Variants in B3GAT2 observed in about 807,000 individuals in gnomAD.
B3GAT2 encodes the protein beta-1,3-glucuronyltransferase 2, also known as galactosylgalactosylxylosylprotein 3-beta-glucuronosyltransferase 2.
Under a neutral mutation model 27.8 loss-of-function variants are expected in B3GAT2, and 26 were observed. The ratio of observed to expected loss-of-function variants is 0.93; its 90% CI spans 0.68 to 1.30. The LOEUF is 1.30. Ranked by LOEUF, B3GAT2 falls within the 50% of genes most tolerant of loss-of-function variation. B3GAT2 has a pLI of 0.00. For synonymous variants in B3GAT2, 218 were observed against 195.1 expected (o/e 1.12, Z -0.98); for missense variants, 458 against 459.0 (o/e 1.00, Z 0.02).
At chr6:70,928,672 T>C (rs1321593810) in intron 1 of B3GAT2, among the ~76,000 whole-genome samples, 1 of 152,100 alleles carries the variant, frequency 6.6e-6, no homozygotes, top group Non-Finnish European at 1.5e-5. Flanking sequence ...AATAACAGGC[T>C]CTGAAATTGA....
chr6:70,954,589 T>C (rs921930260), intron 1 of B3GAT2, among the ~76,000 whole-genome samples: 17 of 152,226 alleles, frequency 1.1e-4, no homozygotes, highest in African/African-American at 4.1e-4. Context: ...TTAGGGTATC[T>C]GATGACCAGA....
chr6:70,938,733 C>T (rs1765338286), intron 1 of B3GAT2, among the ~76,000 whole-genome samples: 1 of 152,004 alleles, frequency 6.6e-6, no homozygotes. Context: ...CCCTTCCTTA[C>T]ACCTTATACA....
intron 1 of B3GAT2, among the ~76,000 whole-genome samples, chr6:70,926,085 A>T (rs1029065683): frequency 3.3e-5 from 5 of 152,230 alleles, no homozygotes; most frequent in African/African-American, 1.2e-4. Context: ...GAGGGTCCTG[A>T]ATGTTAGAAG....
chr6:70,930,328 C>A (rs560990866), intron 1 of B3GAT2, among the ~76,000 whole-genome samples: 7 of 152,134 alleles, frequency 4.6e-5, no homozygotes, highest in Non-Finnish European at 8.8e-5. Flanking sequence ...CAACAAAAGT[C>A]AAAATTGACA....
At position 70,858,298 on chromosome 6, in the gene B3GAT2, T is replaced by TG; in HGVS notation, c.*3364_*3365insC. The TG allele has an allele frequency of 4.9e-6, 6 of 1,216,208 alleles. No individual in the cohort carries two copies. Among genetic ancestry groups the TG allele is most frequent in the East Asian group, 2.8e-5 (1 of 35,920 alleles). 75.3% of individuals were successfully genotyped at this position (1,216,208 alleles called of 1,614,324 possible). ...TTTATTTTCTAAATCTTTTTTTTTT[T>TG]TTTTTTTTTTTTTTTTTAAGTCTAG... On this transcript the variant is annotated 3_prime_UTR_variant, in exon 4 of 4. Coordinates refer to ENST00000230053, the MANE Select transcript of B3GAT2 (RefSeq NM_080742.3).
Position 70,956,131 on chromosome 6 carries a change from C to A in B3GAT2, c.299G>T (p.Arg100Leu). ...CACCTGGCGGAACGTGTTGGCCAGG[C>A]GGGTCAGCTCCGCTTTCTGCACCGG... ...SRPVQKAELT[R>L]LANTFRQVAQ... is the part of the protein sequence containing the mutation. The change falls in exon 1 of 4, where the codon CGC becomes CTC. Residue 100 changes from arginine to leucine, a missense_variant. Transcript: ENST00000230053. 6.2e-7 allele frequency: 1 copy of A among 1,603,268 alleles called. No individual in the cohort carries two copies. The highest frequency in any genetic ancestry group is 8.5e-7 in the Non-Finnish European group (1 of 1,175,146).
intron 1 of B3GAT2, among the ~76,000 whole-genome samples, chr6:70,941,297 C>T (rs1386622032): frequency 1.3e-5 from 2 of 152,108 alleles, no homozygotes. Flanking sequence ...GGCAGTCACC[C>T]ATAGTGGAAA....
chr6:70,920,733 GGTC>G (rs1411094658), intron 1 of B3GAT2, among the ~76,000 whole-genome samples: 1 of 152,162 alleles, frequency 6.6e-6, no homozygotes, highest in Non-Finnish European at 1.5e-5. Flanking sequence ...AGTGTTCAGA[GGTC>G]TAGTCCTTAA....
At chr6:70,891,301 G>A (rs1279848859) in intron 2 of B3GAT2, among the ~76,000 whole-genome samples, 2 of 152,066 alleles carry the variant, frequency 1.3e-5, no homozygotes, top group Non-Finnish European at 2.9e-5. Context: ...TTGTGGGCAG[G>A]CATATTAATT....
At chr6:70,943,537 G>A (rs377175284) in intron 1 of B3GAT2, among the ~76,000 whole-genome samples, 4 of 152,244 alleles carry the variant, frequency 2.6e-5, no homozygotes, top group Non-Finnish European at 5.9e-5. Context: ...AGTTCTGCCT[G>A]CCCTGACATG....
intron 1 of B3GAT2, among the ~76,000 whole-genome samples, chr6:70,896,033 C>G (rs1421994232): frequency 6.6e-6 from 1 of 152,164 alleles, no homozygotes; most frequent in Non-Finnish European, 1.5e-5. Flanking sequence ...CAACTGCTTT[C>G]CTTTCAGGAA....
chr6:70,881,276 G>T (rs1772095249), intron 2 of B3GAT2, among the ~76,000 whole-genome samples: 1 of 152,152 alleles, frequency 6.6e-6, no homozygotes, highest in Non-Finnish European at 1.5e-5. Flanking sequence ...CCTCACAGCT[G>T]CTGGCTCTTG....
intron 1 of B3GAT2, among the ~76,000 whole-genome samples, chr6:70,952,320 T>G (rs1471638586): frequency 6.6e-6 from 1 of 152,170 alleles, no homozygotes; most frequent in Non-Finnish European, 1.5e-5. Context: ...CTTCAAAATT[T>G]CTAAAGTTTT....
intron 1 of B3GAT2, among the ~76,000 whole-genome samples, chr6:70,946,122 CAAAACGT>C (rs1765478872): frequency 6.6e-6 from 1 of 151,996 alleles, no homozygotes; most frequent in African/African-American, 2.4e-5. Flanking sequence ...AAAATCATGC[CAAAACGT>C]AAAGACCATC....
intron 2 of B3GAT2, among the ~76,000 whole-genome samples, chr6:70,887,264 A>T (rs1023130067): frequency 1.3e-5 from 2 of 152,192 alleles, no homozygotes; most frequent in African/African-American, 4.8e-5. Flanking sequence ...CTACTGAGAA[A>T]AGGTCTGCCA....
chr6:70,929,211 G>C (rs897234100), intron 1 of B3GAT2, among the ~76,000 whole-genome samples: 3 of 152,008 alleles, frequency 2.0e-5, no homozygotes, highest in Non-Finnish European at 4.4e-5. Flanking sequence ...GGTAGGGAGA[G>C]GGGGGAGGGA....
In B3GAT2 at chr6:70,947,432, A is replaced by G. The variant is rs192373846; in HGVS notation, c.591+8407T>C. On this transcript the variant is annotated intron_variant, in intron 1 of 3. Transcript: ENST00000230053. ...CGATCCCACAGAAATAGAAACTACC[A>G]TCAGAGAATACTACAAACACCTCTA... is the stretch of plus-strand genomic sequence containing the variant. 2.3e-3 allele frequency among the ~76,000 whole-genome samples: 344 copies of G among 152,350 alleles called. 2 individuals are homozygous for G. Among genetic ancestry groups the G allele is most frequent in the Non-Finnish European group, 2.2e-3 (151 of 68,034 alleles).
intron 1 of B3GAT2, among the ~76,000 whole-genome samples, chr6:70,923,254 G>A (rs1772900913): frequency 6.6e-6 from 1 of 152,146 alleles, no homozygotes; most frequent in African/African-American, 2.4e-5. Flanking sequence ...ATGAAAAACT[G>A]CATCAAGTAA....
chr6:70,879,744 C>T (rs1772069644), intron 2 of B3GAT2, among the ~76,000 whole-genome samples: 1 of 152,050 alleles, frequency 6.6e-6, no homozygotes, highest in Non-Finnish European at 1.5e-5. Flanking sequence ...TTAAGCTGGA[C>T]TCTGAAGGAT....
Sources: allele counts gnomAD v4.1 joint callset (sites outside exome capture counted in the v4.1 genomes callset), GRCh38; gene constraint gnomAD v4.1.1; transcripts MANE v1.5; gene names NCBI Gene and HGNC (gene_info 2026-07-23, HGNC 2026-07-21).